TMBIM1: variants seen among roughly 807,000 people sequenced by gnomAD.
The protein encoded by TMBIM1 is protein lifeguard 3.
A neutral mutation model predicts 45.1 loss-of-function variants in TMBIM1; 34 were observed. That is an observed-to-expected ratio of 0.75 (90% CI 0.57 to 1.00). The LOEUF (loss-of-function observed/expected upper bound fraction) is 1.00. Among genes scored for constraint, TMBIM1 ranks in the 50% least tolerant of loss-of-function variants. The probability of loss-of-function intolerance (pLI) is 0.00; values close to 1 mark genes in which losing one functional copy is unlikely to be tolerated. For missense variants in TMBIM1, 374 were observed against 402.4 expected, an observed-to-expected ratio of 0.93 and a Z score of 0.60; for synonymous variants, 157 against 153.5, an observed-to-expected ratio of 1.02 and a Z score of -0.17.
intron 7 of TMBIM1, 100 bp downstream of exon 7, chr2:218,277,835 G>A: frequency 6.4e-7 from 1 of 1,566,684 alleles, no homozygotes; most frequent in Non-Finnish European, 8.8e-7. Flanking sequence ...AGGTGGAGGA[G>A]ACAGCCAGGA....
At chr2:218,285,751 A>T (rs1692454490) in intron 1 of TMBIM1, 1 of 152,756 alleles carries the variant, frequency 6.5e-6, no homozygotes, top group African/African-American at 2.4e-5. Context: ...TGCTAAACTC[A>T]GCCACACTCA....
Position 218,279,308 on chromosome 2 carries a change from T to C in TMBIM1, c.349A>G (p.Ile117Val), listed in dbSNP as rs1691603375. The change falls in exon 4 of 12, where the codon ATT becomes GTT. Residue 117 changes from isoleucine (I) to valine (V), a missense_variant. Ile to Val is a conservative substitution (Grantham distance 29). Coordinates refer to ENST00000258412, the MANE Select transcript of TMBIM1 (RefSeq NM_022152.6). ...SVQLLITVAIIAIFTFVEPVS... is the reference protein window; with the variant it reads ...SVQLLITVAIVAIFTFVEPVS... ...ACTTACACAAAGGTGAAGATAGCAA[T>C]GATGGCCACAGTGATGAGCAGCTGC... 2 of 1,588,536 alleles carry C rather than the reference T, an allele frequency of 1.3e-6. No homozygotes were observed. Among genetic ancestry groups the C allele is most frequent in the Non-Finnish European group, 1.7e-6 (2 of 1,167,308 alleles).
intron 1 of TMBIM1, among the ~76,000 whole-genome samples, chr2:218,287,494 G>A (rs974350095): frequency 1.3e-5 from 2 of 152,132 alleles, no homozygotes; most frequent in African/African-American, 2.4e-5. Context: ...TGGATCACGA[G>A]GTCAGGAGAT....
At chr2:218,285,068 T>C (rs1279419315) in intron 1 of TMBIM1, among the ~76,000 whole-genome samples, 1 of 152,180 alleles carries the variant, frequency 6.6e-6, no homozygotes, top group Non-Finnish European at 1.5e-5. Flanking sequence ...CCAGCCTGGG[T>C]GACAGAGTGA....
At chr2:218,276,488 C>T (rs1422127062) in intron 10 of TMBIM1, among the ~76,000 whole-genome samples, 1 of 152,140 alleles carries the variant, frequency 6.6e-6, no homozygotes, top group African/African-American at 2.4e-5. Context: ...TCCGGGAGCA[C>T]CCACAGGACA....
chr2:218,276,062 C>G lies in TMBIM1; in HGVS notation c.753G>C (p.Met251Ile), dbSNP rs769995398. 1 of 1,612,938 alleles carries G rather than the reference C, an allele frequency of 6.2e-7. No individual in the cohort carries two copies. ...AAATGGCCCCCAGAGCAGCATAGAG[C>G]ATGTGGAGCCAGTAAACCTGGAGAA... ...LYFQYVYWLH[M>I]LYAALGAICF... is the part of the protein sequence containing the mutation. Residue 251 changes from methionine to isoleucine, a missense_variant, in exon 11 of 12, where the codon ATG becomes ATC. Met to Ile is a conservative substitution (Grantham distance 10). Coordinates refer to ENST00000258412, the MANE Select transcript of TMBIM1 (RefSeq NM_022152.6).
chr2:218,283,156 T>C (rs557095353), intron 1 of TMBIM1, among the ~76,000 whole-genome samples: 4 of 152,114 alleles, frequency 2.6e-5, no homozygotes, highest in East Asian at 1.9e-4. Flanking sequence ...AAGAGCCCCA[T>C]AGCCAGGGGA....
Position 218,274,491 on chromosome 2 carries a change from G to A in TMBIM1, c.*984C>T, listed in dbSNP as rs1240368558. On this transcript the variant is annotated 3_prime_UTR_variant, in exon 12 of 12. Transcript: ENST00000258412. ...TCCTCTTAGGACCCTCCCTGGGTTA[G>A]CAGAAGGAAAGAACCCAGAAGTCTT... 1 of 154,044 alleles carries A rather than the reference G, an allele frequency of 6.5e-6. No homozygotes were observed. Among genetic ancestry groups the A allele is most frequent in the African/African-American group, 2.4e-5 (1 of 41,472 alleles). The allele number at this position is 154,044 out of a possible 1,614,324, so 9.5% of individuals were successfully genotyped here. A position where few individuals can be genotyped will look rare whatever the true frequency, so the allele number is the denominator to read the frequency against.
chr2:218,278,642 G>A (rs1197477820), intron 5 of TMBIM1, 77 bp from the exon 6 acceptor site: 2 of 1,530,962 alleles, frequency 1.3e-6, no homozygotes, highest in African/African-American at 2.7e-5. Context: ...CCAGTGATTT[G>A]GGGCCCAAAT....
At chr2:218,277,998 T>TTAAATGAC (rs759128226) in intron 6 of TMBIM1, 24 bp from the exon 7 acceptor site, 2 of 1,613,726 alleles carry the variant, frequency 1.2e-6, no homozygotes, top group Non-Finnish European at 1.7e-6. Context: ...GAAGCCTTGA[T>TTAAATGAC]TAAATGACTT....
chr2:218,288,201 G>A (rs980077429), intron 1 of TMBIM1, among the ~76,000 whole-genome samples: 7 of 145,680 alleles, frequency 4.8e-5, no homozygotes, highest in Non-Finnish European at 1.1e-4. Flanking sequence ...GGCCAAGGCG[G>A]GCGGATCACG....
chr2:218,283,699 ATCTCT>A (rs1167986860), intron 1 of TMBIM1, among the ~76,000 whole-genome samples: 1 of 152,204 alleles, frequency 6.6e-6, no homozygotes, highest in Admixed American at 6.5e-5. Flanking sequence ...GGACTGTCTT[ATCTCT>A]TCTCTTTTAT....
intron 1 of TMBIM1, among the ~76,000 whole-genome samples, chr2:218,291,541 A>C (rs1692928265): frequency 6.6e-6 from 1 of 152,112 alleles, no homozygotes; most frequent in African/African-American, 2.4e-5. Flanking sequence ...TCCCATGTCC[A>C]GGGTGCTCAG....
chr2:218,281,182 G>A (rs1436296089), intron 2 of TMBIM1, among the ~76,000 whole-genome samples: 5 of 129,264 alleles, frequency 3.9e-5, no homozygotes, highest in African/African-American at 1.2e-4. Flanking sequence ...TGCTCAGGCT[G>A]AAGTGCAGTA....
In TMBIM1 at chr2:218,277,671, C is replaced by T; in HGVS notation, c.514-1G>A. The stretch of plus-strand genomic sequence containing the variant: ...CCGTCATGAAGCCCATGGCAAAAGT[C>T]TAAGGGAAGGAGAGAGACAAGAATG... On this transcript the variant is annotated splice_acceptor_variant, in intron 7 of 11. Transcript: ENST00000258412. LOFTEE classifies it high-confidence loss of function. The T allele has an allele frequency of 6.2e-7, 1 of 1,614,070 alleles. No individual in the cohort carries two copies. Among genetic ancestry groups the T allele is most frequent in the South Asian group, 1.1e-5 (1 of 91,072 alleles).
At chr2:218,285,488 A>G (rs7559416) in intron 1 of TMBIM1, among the ~76,000 whole-genome samples, 64,708 of 151,906 alleles carry the variant, frequency 0.43, 14,004 homozygotes, top group Middle Eastern at 0.52. Flanking sequence ...ACACCACCAC[A>G]GGGCTCACAG....
intron 1 of TMBIM1, among the ~76,000 whole-genome samples, chr2:218,292,133 G>A (rs1196888136): frequency 6.6e-6 from 1 of 152,196 alleles, no homozygotes; most frequent in African/African-American, 2.4e-5. Flanking sequence ...GATAGGCCCT[G>A]CGACAGAGAG....
chr2:218,282,032 G>C lies in TMBIM1; in HGVS notation c.110C>G (p.Pro37Arg), dbSNP rs754907832. The C allele has an allele frequency of 1.9e-6, 3 of 1,607,780 alleles. No homozygotes were observed. In the South Asian group the frequency reaches 3.3e-5, roughly 18 times the overall value. Residue 37 changes from proline to arginine, a missense_variant, in exon 2 of 12, where the codon CCT becomes CGT. Transcript: ENST00000258412. ...AGGCTGCGGGTAGCCAGGGTAGGCA[G>C]GATACCCTCCTGGCAGGACAGATGG... Reference protein sequence around the residue: ...GQPSVLPGGYPAYPGYPQPGY... With the variant: ...GQPSVLPGGYRAYPGYPQPGY...
At chr2:218,283,668 A>G (rs1218090228) in intron 1 of TMBIM1, among the ~76,000 whole-genome samples, 1 of 152,204 alleles carries the variant, frequency 6.6e-6, no homozygotes, top group African/African-American at 2.4e-5. Context: ...GGCACATTGC[A>G]TAGTTCGGGG....
Sources: gnomAD v4.1 joint callset for allele counts (sites outside exome capture counted in the v4.1 genomes callset) on GRCh38, gnomAD v4.1.1 for gene constraint, MANE v1.5 for transcripts, NCBI Gene and HGNC (gene_info 2026-07-23, HGNC 2026-07-21) for gene names.